NPAS3: variants seen among roughly 807,000 people sequenced by gnomAD.
The protein encoded by NPAS3 is neuronal PAS domain protein 3, also known as neuronal PAS domain-containing protein 3.
Under a neutral mutation model 73.1 loss-of-function variants are expected in NPAS3, and 14 were observed. The observed-to-expected ratio is 0.19, with a 90% CI of 0.13 to 0.30. The LOEUF (loss-of-function observed/expected upper bound fraction) is 0.30, where lower values mean the gene tolerates loss of function less well. NPAS3 is among the 10% of genes least tolerant of loss of function. The pLI, the probability that NPAS3 is intolerant of heterozygous loss-of-function variation, is 1.00. For synonymous variants in NPAS3, 620 were observed against 541.5 expected, an observed-to-expected ratio of 1.14 and a Z score of -2.01; for missense variants, 1,096 against 1,250.0, an observed-to-expected ratio of 0.88 and a Z score of 1.86.
intron 5 of NPAS3, among the ~76,000 whole-genome samples, chr14:33,672,283 C>T (rs2059631251): frequency 6.6e-6 from 1 of 152,176 alleles, no homozygotes; most frequent in Non-Finnish European, 1.5e-5. Context: ...TATTATAATA[C>T]ATTTTAAGGA....
intron 3 of NPAS3, among the ~76,000 whole-genome samples, chr14:33,266,464 T>C (rs954526349): frequency 1.3e-5 from 2 of 152,166 alleles, no homozygotes; most frequent in Non-Finnish European, 2.9e-5. Flanking sequence ...CCAAAGATGA[T>C]TATGCCATTT....
At position 33,753,358 on chromosome 14, in the gene NPAS3, T is replaced by TAAAAAA. The variant is rs34619014; in HGVS notation, c.852+18036_852+18041dup. On this transcript the variant is annotated intron_variant, in intron 7 of 11. Coordinates refer to ENST00000356141, the Ensembl canonical transcript of NPAS3. ...GCTTAAGATGATTCTGTTAAATTGA[T>TAAAAAA]AAAAAAAAAAAAAAACGTACACTCC... Among the ~76,000 whole-genome samples the TAAAAAA allele has an allele frequency of 8.7e-4, 113 of 129,456 alleles. 2 individuals carry two copies. Among genetic ancestry groups the TAAAAAA allele is most frequent in the African/African-American group, 3.1e-3 (110 of 35,848 alleles). 84.9% of individuals were successfully genotyped at this position (129,456 alleles called of 152,430 possible).
intron 3 of NPAS3, among the ~76,000 whole-genome samples, chr14:33,355,783 T>A (rs2045311446): frequency 6.6e-6 from 1 of 152,190 alleles, no homozygotes; most frequent in Non-Finnish European, 1.5e-5. Context: ...ACTCAAATAT[T>A]ATAACCTTGG....
At chr14:33,661,846 C>T (rs1239477194) in intron 5 of NPAS3, among the ~76,000 whole-genome samples, 1 of 152,094 alleles carries the variant, frequency 6.6e-6, no homozygotes, top group African/African-American at 2.4e-5. Flanking sequence ...GACTCTTAAT[C>T]CAATTTTACT....
At chr14:33,402,057 T>C (rs1594840930) in intron 4 of NPAS3, among the ~76,000 whole-genome samples, 2 of 152,118 alleles carry the variant, frequency 1.3e-5, no homozygotes. Context: ...TGAAAATCCA[T>C]GGCCATTTTC....
chr14:33,746,203 T>TTTATTTA (rs2061790586), intron 7 of NPAS3, among the ~76,000 whole-genome samples: 1 of 136,570 alleles, frequency 7.3e-6, no homozygotes, highest in South Asian at 2.2e-4. Context: ...TTATTTATTT[T>TTTATTTA]TTTGAGATGG....
At chr14:33,199,082 C>T (rs1012603969) in intron 2 of NPAS3, among the ~76,000 whole-genome samples, 5 of 152,156 alleles carry the variant, frequency 3.3e-5, no homozygotes, top group Non-Finnish European at 4.4e-5. Context: ...CGCTGGCCTG[C>T]GAGCTCCGTG....
At chr14:33,070,545 G>A (rs989367856) in intron 2 of NPAS3, among the ~76,000 whole-genome samples, 1 of 152,184 alleles carries the variant, frequency 6.6e-6, no homozygotes, top group African/African-American at 2.4e-5. Context: ...CTGTCAATGA[G>A]TAACAGGTAA....
chr14:33,465,617 C>T (rs926122075), intron 4 of NPAS3, among the ~76,000 whole-genome samples: 2 of 151,934 alleles, frequency 1.3e-5, no homozygotes, highest in Non-Finnish European at 2.9e-5. Flanking sequence ...AAACTGAAGC[C>T]TAGAAAAGCT....
intron 4 of NPAS3, among the ~76,000 whole-genome samples, chr14:33,543,983 A>ATATC (rs2054649654): frequency 2.7e-5 from 1 of 36,658 alleles, no homozygotes; most frequent in African/African-American, 2.6e-4. Flanking sequence ...ATATATATAT[A>ATATC]TATATATATA....
intron 3 of NPAS3, among the ~76,000 whole-genome samples, chr14:33,264,257 C>T (rs1486038425): frequency 2.0e-5 from 3 of 151,566 alleles, no homozygotes; most frequent in Non-Finnish European, 4.4e-5. Flanking sequence ...GAACATCACA[C>T]ACTGGGGCCT....
intron 3 of NPAS3, among the ~76,000 whole-genome samples, chr14:33,241,583 C>G (rs1481873617): frequency 6.6e-6 from 1 of 151,956 alleles, no homozygotes; most frequent in Non-Finnish European, 1.5e-5. Context: ...GGACATTTTG[C>G]TATTACAAGT....
At chr14:33,363,547 T>C (rs2045701456) in intron 3 of NPAS3, among the ~76,000 whole-genome samples, 1 of 152,230 alleles carries the variant, frequency 6.6e-6, no homozygotes, top group Non-Finnish European at 1.5e-5. Context: ...TTCTCTTCCA[T>C]TTAAAGTCTC....
intron 4 of NPAS3, among the ~76,000 whole-genome samples, chr14:33,424,772 G>C: frequency 6.6e-6 from 1 of 151,714 alleles, no homozygotes; most frequent in East Asian, 2.0e-4. Context: ...GGATCATATT[G>C]AGTTTGAAGT....
chr14:33,711,334 T>G (rs1320039634), intron 6 of NPAS3, among the ~76,000 whole-genome samples: 1 of 152,202 alleles, frequency 6.6e-6, no homozygotes, highest in Non-Finnish European at 1.5e-5. Context: ...GAGTGTTGTC[T>G]GTTAAGATTT....
intron 5 of NPAS3, among the ~76,000 whole-genome samples, chr14:33,667,165 G>T (rs561937632): frequency 1.8e-4 from 27 of 151,746 alleles, no homozygotes; most frequent in African/African-American, 6.5e-4. Flanking sequence ...TTTAAAACCT[G>T]GTGGTAATGT....
chr14:33,218,142 G>A (rs897665468), intron 3 of NPAS3, among the ~76,000 whole-genome samples: 1 of 152,186 alleles, frequency 6.6e-6, no homozygotes, highest in Admixed American at 6.6e-5. Flanking sequence ...ACAGGGTGGT[G>A]AAGATGCATG....
chr14:33,165,706 T>C (rs562488807), intron 2 of NPAS3, among the ~76,000 whole-genome samples: 1 of 145,802 alleles, frequency 6.9e-6, no homozygotes, highest in Non-Finnish European at 1.5e-5. Context: ...ACTTCCTCTC[T>C]TTTTTTTTTT....
chr14:33,782,118 G>A (rs1279986413), intron 9 of NPAS3, among the ~76,000 whole-genome samples: 2 of 152,192 alleles, frequency 1.3e-5, no homozygotes, highest in Non-Finnish European at 1.5e-5. Context: ...GACCAAAGAC[G>A]TCTGTGATTT....
Sources: gnomAD v4.1 joint callset for allele counts (sites outside exome capture counted in the v4.1 genomes callset) on GRCh38, gnomAD v4.1.1 for gene constraint, MANE v1.5 for transcripts, NCBI Gene and HGNC (gene_info 2026-07-23, HGNC 2026-07-21) for gene names.